Variants in MGAT4B observed in about 807,000 individuals in gnomAD.
MGAT4B encodes the protein alpha-1,3-mannosyl-glycoprotein 4-beta-N-acetylglucosaminyltransferase B, also known as N-acetylglucosaminyltransferase IVb.
Under a neutral mutation model 73.9 loss-of-function variants are expected in MGAT4B, and 38 were observed. The ratio of observed to expected loss-of-function variants is 0.51; its 90% confidence interval spans 0.40 to 0.67. MGAT4B has a LOEUF of 0.67. Among genes scored for constraint, MGAT4B ranks in the 30% least tolerant of loss-of-function variants. The pLI, the probability that MGAT4B is intolerant of heterozygous loss-of-function variation, is 0.00. For missense variants in MGAT4B, 686 were observed against 735.2 expected (o/e 0.93, Z 0.77); for synonymous variants, 373 against 313.5 (o/e 1.19, Z -2.01).
chr5:179,806,471 CG>C lies in MGAT4B; in HGVS notation c.97+15del. On this transcript the variant is annotated intron_variant, in intron 1 of 14. Coordinates refer to ENST00000292591, the MANE Select transcript of MGAT4B (RefSeq NM_014275.5). This position sits in a 1 kb window ranked among gnomAD's most constrained non-coding sequence, Gnocchi z 4.6. ...CCAGGTGCGCCAGGTGCGGGCCGGG[CG>C]GGGGTCGCGCTCACCTTTCTGGCCG... The C allele has an allele frequency of 4.7e-6, 6 of 1,266,482 alleles. No homozygotes were observed. Among genetic ancestry groups the C allele is most frequent in the Non-Finnish European group, 3.1e-6 (3 of 979,346 alleles). 78.5% of individuals were successfully genotyped at this position (1,266,482 alleles called of 1,614,324 possible). A position where few individuals can be genotyped will look rare whatever the true frequency, so the allele number is the denominator to read the frequency against.
rs530090723 is a variant in MGAT4B, at chr5:179,798,438, G to A, written c.1423-4C>T. On this transcript the variant is annotated splice_polypyrimidine_tract_variant and splice_region_variant and intron_variant, in intron 12 of 14. Transcript: ENST00000292591. ...CCTCCTTGTCTGACTGAGGGTTCTG[G>A]GGGCAGAATCAAGGGCTGAGGCAGG... 6.2e-7 allele frequency: 1 copy of A among 1,612,654 alleles called. No homozygotes were observed. The highest frequency in any genetic ancestry group is 8.5e-7 in the Non-Finnish European group (1 of 1,179,758).
chr5:179,802,046 A>C, intron 1 of MGAT4B, 77 bp from the exon 2 acceptor site: 2 of 1,609,536 alleles, frequency 1.2e-6, no homozygotes, highest in South Asian at 2.2e-5. Context: ...GCCAGCGCAC[A>C]CATCTGGGTG....
chr5:179,803,179 G>C (rs1337952492), intron 1 of MGAT4B: 1 of 985,476 alleles, frequency 1.0e-6, no homozygotes, highest in East Asian at 1.1e-4. Flanking sequence ...GGAGCAGGGA[G>C]CCAGGTAGAT....
chr5:179,799,124 G>A lies in MGAT4B; in HGVS notation c.1150-3C>T, dbSNP rs1479152390. 7 of 1,614,000 alleles carry A rather than the reference G, an allele frequency of 4.3e-6. No homozygotes were observed. Among genetic ancestry groups the A allele is most frequent in the Non-Finnish European group, 5.9e-6 (7 of 1,180,036 alleles). ...GCCTGCTTTCCAAAGTCTTTGTCCT[G>A]CAGCGGAGGAGGGACAGCAGTGATG... On this transcript the variant is annotated splice_region_variant and splice_polypyrimidine_tract_variant and intron_variant, in intron 10 of 14. Coordinates refer to ENST00000292591, the MANE Select transcript of MGAT4B (RefSeq NM_014275.5).
chr5:179,800,216 ACAT>A lies in MGAT4B; in HGVS notation c.760_762del (p.Met254del), dbSNP rs757955728. 1.2e-6 allele frequency: 2 copies of A among 1,613,598 alleles called. No homozygotes were observed. Among genetic ancestry groups the A allele is most frequent in the South Asian group, 1.1e-5 (1 of 91,086 alleles). ...TAGTAGATGCCTTTGGACTGCGCGT[ACAT>A]CATGAGGAAGCAGTAATCGAGGTTC... On this transcript the variant is annotated inframe_deletion, in exon 7 of 15. Coordinates refer to ENST00000292591, the MANE Select transcript of MGAT4B (RefSeq NM_014275.5).
In MGAT4B at chr5:179,797,928, C is replaced by A. The variant is rs921827973; in HGVS notation, c.*117G>T. ...GGACCCCAGGCCGGCCCAAGCCCGA[C>A]GCCAGGCAGAACCCTTTGGGCGGGG... On this transcript the variant is annotated 3_prime_UTR_variant, in exon 15 of 15. Transcript: ENST00000292591. 14 of 1,425,130 alleles carry A rather than the reference C, an allele frequency of 9.8e-6. No individual in the cohort carries two copies. The East Asian group carries it at 2.8e-4, about 28-fold the overall frequency. 88.3% of individuals were successfully genotyped at this position (1,425,130 alleles called of 1,614,324 possible).
intron 5 of MGAT4B, 44 bp from the exon 6 acceptor site, chr5:179,800,641 TGA>T (rs1270072710): frequency 2.1e-6 from 3 of 1,401,922 alleles, no homozygotes; most frequent in Non-Finnish European, 3.0e-6. Flanking sequence ...CTCCAGGGGC[TGA>T]GAGGGGCCGA....
chr5:179,798,730 C>A, intron 11 of MGAT4B, 139 bp from the exon 12 acceptor site: 11 of 1,128,004 alleles, frequency 9.8e-6, no homozygotes, highest in Non-Finnish European at 1.4e-5. Flanking sequence ...CCAGGGCCTT[C>A]CTCTGGGAGG....
chr5:179,800,129 TCGCAGGGCAGGGCGG>T (rs373898378), intron 7 of MGAT4B, 40 bp downstream of exon 7: 38 of 1,610,692 alleles, frequency 2.4e-5, no homozygotes, highest in Non-Finnish European at 3.0e-5. Flanking sequence ...ACCAGACCCA[TCGCAGGGCAGGGCGG>T]CGCAGGGCAG....
In MGAT4B at chr5:179,801,250, C is replaced by T; in HGVS notation, c.558+84G>A. 6.8e-7 allele frequency: 1 copy of T among 1,478,732 alleles called. No individual in the cohort carries two copies. Among genetic ancestry groups the T allele is most frequent in the Non-Finnish European group, 9.0e-7 (1 of 1,111,990 alleles). 91.6% of individuals were successfully genotyped at this position (1,478,732 alleles called of 1,614,324 possible). On this transcript the variant is annotated intron_variant, in intron 4 of 14. Coordinates refer to ENST00000292591, the MANE Select transcript of MGAT4B (RefSeq NM_014275.5). This position sits in a 1 kb window ranked among gnomAD's most constrained non-coding sequence, Gnocchi z 4.8. Reference sequence around the variant, plus strand: ...TAGCAACTGAACTTCCGACAGCTTTCTCCTCGGAATGGTTCCTGCTGTCAG... The same window carrying T: ...TAGCAACTGAACTTCCGACAGCTTTTTCCTCGGAATGGTTCCTGCTGTCAG...
In MGAT4B at chr5:179,801,420, A is replaced by T. The variant is rs1287053285; in HGVS notation, c.472T>A (p.Tyr158Asn). The T allele has an allele frequency of 6.2e-7, 1 of 1,612,132 alleles. No individual in the cohort carries two copies. Among genetic ancestry groups the T allele is most frequent in the Non-Finnish European group, 8.5e-7 (1 of 1,179,182 alleles). Residue 158 changes from tyrosine (Y) to asparagine (N), a missense_variant, in exon 4 of 15, where the codon TAC becomes AAC. By Grantham distance (143) the Tyr-to-Asn change is moderately radical. Transcript: ENST00000292591. The surrounding 1 kb of genome is among the most constrained non-coding windows in gnomAD (Gnocchi z 4.8). ...AGCGAGTGCAGAGTGTCAGTCAGGT[A>T]CGAGTGCACCTCGCGCCGCACGCTC... Reference protein sequence around the residue: ...IPSVRREVHSYLTDTLHSLIS... With the variant: ...IPSVRREVHSNLTDTLHSLIS...
chr5:179,806,511 A>G lies in MGAT4B; in HGVS notation c.73T>C (p.Tyr25His). The G allele has an allele frequency of 2.3e-6, 3 of 1,330,666 alleles. No homozygotes were observed. The highest frequency in any genetic ancestry group is 2.0e-6 in the Non-Finnish European group (2 of 1,015,274). 82.4% of individuals were successfully genotyped at this position (1,330,666 alleles called of 1,614,324 possible). Residue 25 changes from tyrosine to histidine, a missense_variant, in exon 1 of 15, where the codon TAC becomes CAC. This residue lies in a region of MGAT4B where 237 missense variants were observed against 198.5 expected (regional missense o/e 1.19). Transcript: ENST00000292591. The surrounding 1 kb of genome is among the most constrained non-coding windows in gnomAD (Gnocchi z 4.6). Reference protein sequence around the residue: ...CLCAFLSLSWYAALSGQKGDV... With the variant: ...CLCAFLSLSWHAALSGQKGDV... The stretch of plus-strand genomic sequence containing the variant: ...CCTTTCTGGCCGCTGAGTGCCGCGT[A>G]CCAGGACAGCGAGAGGAAGGCGCAC...
At chr5:179,800,837 G>T in intron 5 of MGAT4B, 70 bp downstream of exon 5, 1 of 1,546,800 alleles carries the variant, frequency 6.5e-7, no homozygotes, top group Non-Finnish European at 8.9e-7. Context: ...TGGGGAGGCA[G>T]GAACCTGCCA....
Position 179,801,868 on chromosome 5 carries a change from C to G in MGAT4B, c.199G>C (p.Val67Leu). Residue 67 changes from valine (V) to leucine (L), a missense_variant, in exon 2 of 15, where the codon GTG (valine) becomes CTG (leucine). By Grantham distance (32) the Val-to-Leu change is conservative. Coordinates refer to ENST00000292591, the MANE Select transcript of MGAT4B (RefSeq NM_014275.5). The surrounding 1 kb of genome is among the most constrained non-coding windows in gnomAD (Gnocchi z 4.8). Reference protein sequence around the residue: ...SLKRSKELNLVLDEIKRAVSE... With the variant: ...SLKRSKELNLLLDEIKRAVSE... ...ACGGCCCTCTTGATCTCGTCCAGCA[C>G]CAGGTTGAGCTCCTTGGAGCGCTTG... is the stretch of plus-strand genomic sequence containing the variant. 6.2e-7 allele frequency: 1 copy of G among 1,612,354 alleles called. No homozygotes were observed. Among genetic ancestry groups the G allele is most frequent in the Non-Finnish European group, 8.5e-7 (1 of 1,179,086 alleles).
rs750774332 is a variant in MGAT4B at position 179,798,911 on chromosome 5, A to G, written c.1343+17T>C. On this transcript the variant is annotated intron_variant, in intron 11 of 14. Transcript: ENST00000292591. ...CCAGCCCCGCCCCCATCGCAGACCC[A>G]TGGTGCTGGCACTGACCGCTCCAGT... The G allele has an allele frequency of 2.5e-6, 4 of 1,613,222 alleles. No individual in the cohort carries two copies. The highest frequency in any genetic ancestry group is 1.1e-5 in the South Asian group (1 of 91,080).
intron 1 of MGAT4B, among the ~76,000 whole-genome samples, chr5:179,804,676 C>T (rs1279072578): frequency 6.6e-6 from 1 of 152,196 alleles, no homozygotes; most frequent in Non-Finnish European, 1.5e-5. Context: ...CTGCAGATTC[C>T]ACTTCCTGGG....
intron 11 of MGAT4B, 131 bp downstream of exon 11, chr5:179,798,797 G>A (rs1378915007): frequency 2.5e-6 from 3 of 1,180,520 alleles, no homozygotes; most frequent in Non-Finnish European, 3.6e-6. Context: ...GTCCTCACAA[G>A]GTAGCTACCA....
At chr5:179,802,415 G>A (rs1029057585) in intron 1 of MGAT4B, 37 of 1,138,982 alleles carry the variant, frequency 3.2e-5, no homozygotes, top group South Asian at 2.0e-4. Context: ...TCCTTGTAGC[G>A]GTCGCTGGTT....
rs1024619160 is a variant in MGAT4B, at chr5:179,801,154, GC to G, written c.558+179del. ...GGCCAAGGACTAGGGGGTGGCGGGG[GC>G]GATGGGTAGGGGTAGAGGGTGCCAG... On this transcript the variant is annotated intron_variant, in intron 4 of 14. Transcript: ENST00000292591. This position sits in a 1 kb window ranked among gnomAD's most constrained non-coding sequence, Gnocchi z 4.8. Among the ~76,000 whole-genome samples the G allele has an allele frequency of 6.6e-6, 1 of 151,806 alleles. No homozygotes were observed. Among genetic ancestry groups the G allele is most frequent in the Non-Finnish European group, 1.5e-5 (1 of 68,012 alleles).
Sources: allele counts gnomAD v4.1 joint callset (sites outside exome capture counted in the v4.1 genomes callset), GRCh38; gene constraint gnomAD v4.1.1; regional missense constraint gnomAD v4.1.1; non-coding constraint Gnocchi (gnomAD v3.1); transcripts MANE v1.5; gene names NCBI Gene and HGNC (gene_info 2026-07-23, HGNC 2026-07-21).